PDZD2: variants seen among roughly 807,000 people sequenced by gnomAD.
The protein encoded by PDZD2 is PDZ domain-containing protein 2.
A neutral mutation model predicts 220.7 loss-of-function variants in PDZD2; 90 were observed. The ratio of observed to expected loss-of-function variants is 0.41; its 90% confidence interval spans 0.34 to 0.49. The LOEUF is 0.49. Ranked by LOEUF, PDZD2 falls within the 20% of genes least tolerant of loss-of-function variation. PDZD2 has a pLI of 0.28. For synonymous variants in PDZD2, 1,375 were observed against 1,450.5 expected (o/e 0.95, Z 1.18); for missense variants, 3,174 against 3,608.5 (o/e 0.88, Z 3.08).
At chr5:31,777,054 G>C (rs1024897217) in intron 1 of PDZD2, among the ~76,000 whole-genome samples, 8 of 152,160 alleles carry the variant, frequency 5.3e-5, no homozygotes, top group Admixed American at 6.5e-5. Context: ...CCCTCTCTGG[G>C]CTGGCCGAGC....
chr5:31,909,554 TAAAC>T (rs918331622), intron 2 of PDZD2, among the ~76,000 whole-genome samples: 1 of 152,064 alleles, frequency 6.6e-6, no homozygotes, highest in Admixed American at 6.6e-5. Context: ...CCATACATAA[TAAAC>T]AAGAGCTACA....
chr5:31,748,962 A>G (rs1750764878), intron 1 of PDZD2, among the ~76,000 whole-genome samples: 3 of 152,242 alleles, frequency 2.0e-5, no homozygotes, highest in South Asian at 4.2e-4. Flanking sequence ...ACTGGTTCTC[A>G]GGCCTGGAGT....
rs1416417803 is a variant in PDZD2 at position 32,085,232 on chromosome 5, G to T, written c.3683-1899G>T. Among the ~76,000 whole-genome samples, 5 of 149,432 alleles carry T rather than the reference G, an allele frequency of 3.3e-5. No individual in the cohort carries two copies. In the South Asian group the frequency reaches 1.1e-3, roughly 32 times the overall value. ...CTCCCAAAGTGCTGGGATTACAGGC[G>T]TGATCCACCGTGCCCAGCTGCCTTT... On this transcript the variant is annotated intron_variant, in intron 19 of 24. Transcript: ENST00000438447.
rs571315926 is a variant in PDZD2, at chr5:31,971,621, A to G, written c.477-11534A>G. Among the ~76,000 whole-genome samples, 6 of 152,322 alleles carry G rather than the reference A, an allele frequency of 3.9e-5. No individual in the cohort carries two copies. In the East Asian group the frequency reaches 9.6e-4, roughly 24 times the overall value. On this transcript the variant is annotated intron_variant, in intron 2 of 24. Transcript: ENST00000438447. ...GCCATTTCTTACCATTTTCACTGCT[A>G]TTCTACAGTGAGCCACCTTTTCCCT... is the stretch of plus-strand genomic sequence containing the variant.
chr5:31,999,257 G>A lies in PDZD2; in HGVS notation c.1122-882G>A, dbSNP rs975007933. Among the ~76,000 whole-genome samples, 6 of 143,350 alleles carry A rather than the reference G, an allele frequency of 4.2e-5. No homozygotes were observed. The East Asian group carries it at 8.0e-4, about 19-fold the overall frequency. The allele number at this position is 143,350 out of a possible 152,430, so 94.0% of individuals were successfully genotyped here. A position where few individuals can be genotyped will look rare whatever the true frequency, so the allele number is the denominator to read the frequency against. On this transcript the variant is annotated intron_variant, in intron 4 of 24. Transcript: ENST00000438447. Reference sequence around the variant, plus strand: ...TTTCCTTTCTTAATTGCTTTTTTTTGGGGGGGGCGGGTGGCGGGATTTGTT... The same window carrying A: ...TTTCCTTTCTTAATTGCTTTTTTTTAGGGGGGGCGGGTGGCGGGATTTGTT...
chr5:32,073,756 G>T, intron 17 of PDZD2, 76 bp from the exon 18 acceptor site: 2 of 887,506 alleles, frequency 2.3e-6, no homozygotes, highest in Admixed American at 4.4e-5. Flanking sequence ...TATGTGTAAT[G>T]ATGGGGTCAG....
intron 6 of PDZD2, among the ~76,000 whole-genome samples, chr5:32,024,749 A>G (rs1374323647): frequency 1.3e-5 from 2 of 152,110 alleles, no homozygotes; most frequent in African/African-American, 2.4e-5. Context: ...CATATGCCCC[A>G]TGGATGGGGG....
chr5:32,069,143 A>G (rs1412005357), intron 14 of PDZD2, among the ~76,000 whole-genome samples: 3 of 151,048 alleles, frequency 2.0e-5, no homozygotes, highest in Non-Finnish European at 3.0e-5. Flanking sequence ...GTGCGCGCCT[A>G]TAGTCCCAGC....
At chr5:31,860,184 C>T (rs1737560180) in intron 2 of PDZD2, among the ~76,000 whole-genome samples, 2 of 152,158 alleles carry the variant, frequency 1.3e-5, no homozygotes, top group South Asian at 4.1e-4. Context: ...GCCCCTGCCT[C>T]AGCTATACCT....
At chr5:31,797,170 C>T (rs6882020) in intron 1 of PDZD2, among the ~76,000 whole-genome samples, 9,432 of 140,486 alleles carry the variant, frequency 0.067, 952 homozygotes, top group East Asian at 0.49. Context: ...GTCTTGATCT[C>T]CTGACCTTGT....
rs1241027367 is a variant in PDZD2 at position 31,799,411 on chromosome 5, A to G, written c.163A>G (p.Ser55Gly). ...CCAGCTGAACTTTGCTGTGGATGAG[A>G]GTACGGTCCCACCTGATCACAGCCC... is the stretch of plus-strand genomic sequence containing the variant. ...YIQLNFAVDESTVPPDHSPPE... is the reference protein window; with the variant it reads ...YIQLNFAVDEGTVPPDHSPPE... The change falls in exon 2 of 25, where the codon AGT becomes GGT. Residue 55 changes from serine (S) to glycine (G), a missense_variant. This residue lies in a region of PDZD2 where 632 missense variants were observed against 708.1 expected (regional missense o/e 0.89). Transcript: ENST00000438447. 2 of 1,614,100 alleles carry G rather than the reference A, an allele frequency of 1.2e-6. No homozygotes were observed. The highest frequency in any genetic ancestry group is 1.7e-6 in the Non-Finnish European group (2 of 1,180,048).
At chr5:32,056,185 AGTAATTG>A (rs1739066437) in intron 10 of PDZD2, among the ~76,000 whole-genome samples, 1 of 152,196 alleles carries the variant, frequency 6.6e-6, no homozygotes, top group Admixed American at 6.5e-5. Context: ...CACCTAATTG[AGTAATTG>A]GTTATGCCAG....
At chr5:32,047,237 CAA>C (rs1408074732) in intron 7 of PDZD2, among the ~76,000 whole-genome samples, 1 of 115,852 alleles carries the variant, frequency 8.6e-6, no homozygotes, top group Non-Finnish European at 2.0e-5. Flanking sequence ...TTAAAAAAAA[CAA>C]ATGAATACCG....
chr5:31,943,353 G>C (rs1746372439), intron 2 of PDZD2, among the ~76,000 whole-genome samples: 1 of 152,184 alleles, frequency 6.6e-6, no homozygotes, highest in Non-Finnish European at 1.5e-5. Context: ...CCAGGAGACA[G>C]AAGCCTGCCC....
chr5:31,970,230 A>G (rs989233202), intron 2 of PDZD2, among the ~76,000 whole-genome samples: 1 of 152,152 alleles, frequency 6.6e-6, no homozygotes, highest in African/African-American at 2.4e-5. Context: ...AAAATAGGCA[A>G]TTCTCAAGAC....
chr5:32,010,543 C>T, intron 6 of PDZD2, 61 bp downstream of exon 6: 1 of 1,229,358 alleles, frequency 8.1e-7, no homozygotes, highest in South Asian at 1.2e-5. Flanking sequence ...GTCCTGGGCG[C>T]CAGGATTAGG....
chr5:32,026,907 T>C (rs1754711949), intron 6 of PDZD2, among the ~76,000 whole-genome samples: 1 of 152,152 alleles, frequency 6.6e-6, no homozygotes, highest in African/African-American at 2.4e-5. Flanking sequence ...GTTTTTGTTT[T>C]TTGTTTTTGT....
At chr5:32,048,947 C>T (rs1183476699) in intron 8 of PDZD2, among the ~76,000 whole-genome samples, 2 of 152,118 alleles carry the variant, frequency 1.3e-5, no homozygotes, top group Non-Finnish European at 2.9e-5. Context: ...CTTTCAATTG[C>T]CAGGAGACGA....
chr5:31,691,094 G>C lies in PDZD2; in HGVS notation c.-361+51657G>C, dbSNP rs144616931. Among the ~76,000 whole-genome samples the C allele has an allele frequency of 4.7e-3, 716 of 152,364 alleles. 17 individuals are homozygous for C. Among genetic ancestry groups the C allele is most frequent in the Admixed American group, 0.039 (599 of 15,302 alleles). ...GCGGACCCTCATGGTGAGTGTTACAGTTCTTAAAGTTGGCATGTCCTGAGT... is the reference window on the plus strand; with the variant it reads ...GCGGACCCTCATGGTGAGTGTTACACTTCTTAAAGTTGGCATGTCCTGAGT... On this transcript the variant is annotated intron_variant, in intron 1 of 24. Transcript: ENST00000438447.
Sources: allele counts gnomAD v4.1 joint callset (sites outside exome capture counted in the v4.1 genomes callset), GRCh38; gene constraint gnomAD v4.1.1; regional missense constraint gnomAD v4.1.1; transcripts MANE v1.5; gene names NCBI Gene and HGNC (gene_info 2026-07-23, HGNC 2026-07-21).